VIT: variants seen among roughly 807,000 people sequenced by gnomAD.
The protein encoded by VIT is vitrin.
A neutral mutation model predicts 78.0 loss-of-function variants in VIT; 99 were observed. That is an observed-to-expected ratio of 1.27 (90% CI 1.08 to 1.50). The LOEUF is 1.50. Among genes scored for constraint, VIT ranks in the 40% most tolerant of loss-of-function variants. The pLI is 0.00. For missense variants in VIT, 1,126 were observed against 875.3 expected (o/e 1.29, Z -3.61); for synonymous variants, 374 against 334.3 (o/e 1.12, Z -1.29).
intron 11 of VIT, among the ~76,000 whole-genome samples, chr2:36,785,397 C>T (rs1046298328): frequency 6.6e-6 from 1 of 152,032 alleles, no homozygotes; most frequent in African/African-American, 2.4e-5. Flanking sequence ...ACTGCAAGCC[C>T]CGCCAGAAAA....
intron 6 of VIT, 102 bp downstream of exon 6, chr2:36,759,148 C>T (rs770713735): frequency 2.5e-6 from 4 of 1,608,014 alleles, no homozygotes; most frequent in Non-Finnish European, 2.5e-6. Flanking sequence ...CGGTCAAGCT[C>T]CACTGGCTCT....
rs191641389 is a variant in VIT, at chr2:36,708,381, G to A, written c.-18-7972G>A. On this transcript the variant is annotated intron_variant, in intron 1 of 15. Transcript: ENST00000379242. ...CAAAGAGTATGGTTGGGTGCTCCCC[G>A]ATGTAGCATTGTAGATCAGACAAAC... 4.9e-4 allele frequency among the ~76,000 whole-genome samples: 74 copies of A among 152,266 alleles called. 1 individual carries two copies. In the Middle Eastern group the frequency reaches 0.044, roughly 91 times the overall value.
At chr2:36,781,843 T>C in intron 10 of VIT, 72 bp downstream of exon 10, 3 of 1,578,812 alleles carry the variant, frequency 1.9e-6, no homozygotes, top group African/African-American at 1.3e-5. Context: ...AAGAGTCTAA[T>C]AATCCAGCTG....
At chr2:36,725,374 G>A (rs1666766924) in intron 2 of VIT, among the ~76,000 whole-genome samples, 1 of 152,136 alleles carries the variant, frequency 6.6e-6, no homozygotes, top group African/African-American at 2.4e-5. Flanking sequence ...GGGTGCTGAT[G>A]GATTCAGAGT....
intron 15 of VIT, among the ~76,000 whole-genome samples, chr2:36,810,738 A>G (rs1270539814): frequency 6.6e-6 from 1 of 151,308 alleles, no homozygotes; most frequent in African/African-American, 2.4e-5. Context: ...GATTCAAGCG[A>G]TTCTTCTGGC....
intron 4 of VIT, among the ~76,000 whole-genome samples, chr2:36,749,983 G>A (rs1223195848): frequency 6.6e-6 from 1 of 152,046 alleles, no homozygotes; most frequent in Non-Finnish European, 1.5e-5. Context: ...ATTGGCTATA[G>A]TAATCTTTTC....
intron 4 of VIT, among the ~76,000 whole-genome samples, chr2:36,752,022 A>C (rs1009080327): frequency 6.6e-6 from 1 of 152,214 alleles, no homozygotes; most frequent in Admixed American, 6.5e-5. Flanking sequence ...CCCAACAGTC[A>C]GAAGTGGGAG....
In VIT at chr2:36,766,810, T is replaced by C. The variant is rs183052546; in HGVS notation, c.488-284T>C. Among the ~76,000 whole-genome samples the C allele has an allele frequency of 9.7e-4, 148 of 152,372 alleles. 2 individuals are homozygous for C. The East Asian group carries it at 0.025, about 26-fold the overall frequency. ...TTGCTAGTGGTGCCAGGCAAATTAA[T>C]TCAGCAATTAATCATGTTCTGCCTT... is the stretch of plus-strand genomic sequence containing the variant. On this transcript the variant is annotated intron_variant, in intron 6 of 15. Coordinates refer to ENST00000379242, the MANE Select transcript of VIT (RefSeq NM_053276.4).
intron 2 of VIT, among the ~76,000 whole-genome samples, chr2:36,719,058 A>G (rs1001282479): frequency 1.3e-5 from 2 of 152,246 alleles, no homozygotes; most frequent in Admixed American, 6.5e-5. Context: ...GCATGTTCCC[A>G]GCATCACAGA....
intron 4 of VIT, among the ~76,000 whole-genome samples, chr2:36,753,508 G>A (rs1668589370): frequency 6.6e-6 from 1 of 152,156 alleles, no homozygotes; most frequent in Non-Finnish European, 1.5e-5. Flanking sequence ...AAATTTTTAG[G>A]AAGTAGTACA....
chr2:36,790,348 C>T (rs1665403284), intron 12 of VIT, among the ~76,000 whole-genome samples: 1 of 152,188 alleles, frequency 6.6e-6, no homozygotes, highest in Non-Finnish European at 1.5e-5. Context: ...CTTCTCTCAG[C>T]TGACCAGCAT....
intron 1 of VIT, among the ~76,000 whole-genome samples, chr2:36,704,162 G>A (rs1665263743): frequency 6.6e-6 from 1 of 151,896 alleles, no homozygotes; most frequent in Non-Finnish European, 1.5e-5. Context: ...CTGACCTCAG[G>A]TGATCCACCC....
chr2:36,716,935 G>C (rs1666180171), intron 2 of VIT, among the ~76,000 whole-genome samples: 2 of 141,506 alleles, frequency 1.4e-5, no homozygotes, highest in African/African-American at 5.2e-5. Flanking sequence ...GGAATGCAGT[G>C]GAGTGATCTC....
chr2:36,783,292 C>A (rs1337216297), intron 10 of VIT, 48 bp from the exon 11 acceptor site: 2 of 1,602,740 alleles, frequency 1.2e-6, no homozygotes, highest in Non-Finnish European at 1.7e-6. Context: ...GTAAGGCCAG[C>A]TGCTTCCTTT....
chr2:36,701,681 C>T (rs1665070576), intron 1 of VIT, among the ~76,000 whole-genome samples: 1 of 152,168 alleles, frequency 6.6e-6, no homozygotes. Flanking sequence ...GGGATCAGGT[C>T]ACTGGCACCT....
intron 12 of VIT, among the ~76,000 whole-genome samples, chr2:36,794,008 T>G (rs1228393363): frequency 6.6e-6 from 1 of 152,214 alleles, no homozygotes; most frequent in Non-Finnish European, 1.5e-5. Flanking sequence ...GTAAGTGCCT[T>G]AGGTGAGTTT....
intron 3 of VIT, among the ~76,000 whole-genome samples, chr2:36,731,629 T>C (rs990898644): frequency 6.6e-6 from 1 of 151,748 alleles, no homozygotes; most frequent in Non-Finnish European, 1.5e-5. Flanking sequence ...ATTATTACTA[T>C]GAAAAAAAAG....
At chr2:36,698,290 G>T (rs1558494287) in intron 1 of VIT, among the ~76,000 whole-genome samples, 1 of 152,156 alleles carries the variant, frequency 6.6e-6, no homozygotes, top group Non-Finnish European at 1.5e-5. Flanking sequence ...TTTAATTCAT[G>T]AATATTGTTA....
intron 7 of VIT, among the ~76,000 whole-genome samples, chr2:36,770,885 G>T (rs1669705710): frequency 6.6e-6 from 1 of 152,212 alleles, no homozygotes; most frequent in Non-Finnish European, 1.5e-5. Context: ...GGGGAGAAGA[G>T]CGCCGCCTAG....
Sources: allele counts gnomAD v4.1 joint callset (sites outside exome capture counted in the v4.1 genomes callset), GRCh38; gene constraint gnomAD v4.1.1; transcripts MANE v1.5; gene names NCBI Gene and HGNC (gene_info 2026-07-23, HGNC 2026-07-21).